CCDC61: variants seen among roughly 807,000 people sequenced by gnomAD.
CCDC61 encodes the protein coiled-coil domain containing 61, also known as centrosomal protein CCDC61.
A neutral mutation model predicts 63.0 loss-of-function variants in CCDC61; 55 were observed. The ratio of observed to expected loss-of-function variants is 0.87; its 90% CI spans 0.70 to 1.09. CCDC61 has a LOEUF of 1.09. CCDC61 is among the 50% of genes least tolerant of loss of function. The pLI is 0.00. For missense variants in CCDC61, 651 were observed against 731.4 expected, an observed-to-expected ratio of 0.89 and a Z score of 1.27; for synonymous variants, 270 against 317.0, an observed-to-expected ratio of 0.85 and a Z score of 1.58.
intron 3 of CCDC61, among the ~76,000 whole-genome samples, chr19:46,005,498 G>T (rs1968688973): frequency 6.6e-6 from 1 of 151,848 alleles, no homozygotes; most frequent in African/African-American, 2.4e-5. Context: ...ACTAAGTTGT[G>T]CAGATTTTCC....
rs765274527 is a variant in CCDC61 at position 46,006,660 on chromosome 19, G to C, written c.333G>C (p.Ser111=). 2.5e-6 allele frequency: 4 copies of C among 1,613,626 alleles called. No individual in the cohort carries two copies. The highest frequency in any genetic ancestry group is 3.4e-6 in the Non-Finnish European group (4 of 1,179,776). ...GGRPGSLAPR[S]AQLNSKRYLI... is the part of the protein sequence containing the mutation. The stretch of plus-strand genomic sequence containing the variant: ...GCCCAGGCTCCTTGGCCCCCAGGTC[G>C]GCCCAGCTCAACTCCAAGCGCTACC... The change falls in exon 4 of 14, where the codon TCG becomes TCC. Residue 111 remains serine (S), a synonymous_variant. Coordinates refer to ENST00000595358, the MANE Select transcript of CCDC61 (RefSeq NM_001267723.2).
At position 46,008,321 on chromosome 19, in the gene CCDC61, G is replaced by C; in HGVS notation, c.551+20G>C. 2 of 702,896 alleles carry C rather than the reference G, an allele frequency of 2.8e-6. No homozygotes were observed. Among genetic ancestry groups the C allele is most frequent in the Admixed American group, 2.0e-5 (1 of 49,614 alleles). The allele number at this position is 702,896 out of a possible 1,614,324, so 43.5% of individuals were successfully genotyped here. ...GGAGCAGTGAGTCTTGGAGGGGTGGGCAGCTGGGGCGGGTGGGGGCCCTCC... is the reference window on the plus strand; with the variant it reads ...GGAGCAGTGAGTCTTGGAGGGGTGGCCAGCTGGGGCGGGTGGGGGCCCTCC... On this transcript the variant is annotated intron_variant, in intron 5 of 13. Transcript: ENST00000595358.
At position 46,016,705 on chromosome 19, in the gene CCDC61, G is replaced by A. The variant is rs775361811; in HGVS notation, c.1103G>A (p.Arg368Gln). 1.9e-6 allele frequency: 3 copies of A among 1,611,870 alleles called. No homozygotes were observed. The highest frequency in any genetic ancestry group is 4.5e-5 in the East Asian group (2 of 44,840). ...QREIQMKQQQ[R>Q]NRLGSGGSGD... is the part of the protein sequence containing the mutation. ...TTCTTTTTTCCCAGGCAGCAGCAGCGGAACCGCTTAGGCAGTGGGGGAAGC... is the reference window on the plus strand; with the variant it reads ...TTCTTTTTTCCCAGGCAGCAGCAGCAGAACCGCTTAGGCAGTGGGGGAAGC... Residue 368 changes from arginine (R) to glutamine (Q), a missense_variant, in exon 10 of 14, where the codon CGG becomes CAG. Physicochemically the swap from Arg to Gln is conservative, Grantham distance 43 (BLOSUM62 1). Transcript: ENST00000595358. This position sits in a 1 kb window ranked among gnomAD's most constrained non-coding sequence, Gnocchi z 7.2.
At chr19:46,013,595 G>A (rs934279421) in intron 5 of CCDC61, among the ~76,000 whole-genome samples, 2 of 152,036 alleles carry the variant, frequency 1.3e-5, no homozygotes, top group Admixed American at 6.5e-5. Context: ...AGGGCCGGGT[G>A]CGGTGGCTCA....
intron 3 of CCDC61, among the ~76,000 whole-genome samples, chr19:46,005,387 C>T (rs998034520): frequency 2.6e-5 from 4 of 152,134 alleles, no homozygotes; most frequent in African/African-American, 9.7e-5. Context: ...TGTATTGTTA[C>T]ATTAAATTCC....
At chr19:46,008,718 C>G (rs928331205) in intron 5 of CCDC61, among the ~76,000 whole-genome samples, 4 of 152,164 alleles carry the variant, frequency 2.6e-5, no homozygotes, top group Non-Finnish European at 5.9e-5. Flanking sequence ...CTCTGAGCCC[C>G]TCTTCTGTAC....
In CCDC61 at chr19:45,998,301, C is replaced by T. The variant is rs547411527; in HGVS notation, c.-12+2797C>T. On this transcript the variant is annotated intron_variant, in intron 1 of 13. Coordinates refer to ENST00000595358, the MANE Select transcript of CCDC61 (RefSeq NM_001267723.2). ...TTGGAGGAAATGCAGATTTCTGGGC[C>T]CACCCCCAGAGTTTCTGCTTGTGTA... Among the ~76,000 whole-genome samples, 6 of 152,260 alleles carry T rather than the reference C, an allele frequency of 3.9e-5. No homozygotes were observed. In the East Asian group the frequency reaches 1.2e-3, roughly 29 times the overall value.
chr19:45,998,800 C>T (rs893000695), intron 1 of CCDC61, among the ~76,000 whole-genome samples: 6 of 152,116 alleles, frequency 3.9e-5, no homozygotes, highest in African/African-American at 1.2e-4. Context: ...CTCTTATTAT[C>T]CCGCTTTACT....
At position 46,016,864 on chromosome 19, in the gene CCDC61, C is replaced by T. The variant is rs1482234360; in HGVS notation, c.1231+31C>T. On this transcript the variant is annotated intron_variant, in intron 10 of 13. Transcript: ENST00000595358. This position sits in a 1 kb window ranked among gnomAD's most constrained non-coding sequence, Gnocchi z 7.2. ...TGGCCTGGAGCTGGGGGCTGCCGGG[C>T]TAGGCGGGACTGGGCGGGGCTGGGC... is the stretch of plus-strand genomic sequence containing the variant. 7.9e-7 allele frequency: 1 copy of T among 1,269,158 alleles called. No individual in the cohort carries two copies. Among genetic ancestry groups the T allele is most frequent in the Admixed American group, 2.6e-5 (1 of 39,094 alleles). 78.6% of individuals were successfully genotyped at this position (1,269,158 alleles called of 1,614,324 possible). A position where few individuals can be genotyped will look rare whatever the true frequency, so the allele number is the denominator to read the frequency against.
chr19:45,997,101 C>T (rs4803882), intron 1 of CCDC61, among the ~76,000 whole-genome samples: 72,092 of 151,740 alleles, frequency 0.48, 17,373 homozygotes, highest in Non-Finnish European at 0.49. Flanking sequence ...CTGGCCTCCC[C>T]GCTGTCATTT....
chr19:46,014,795 A>AGTGT (rs148097219), intron 5 of CCDC61, among the ~76,000 whole-genome samples: 1 of 151,346 alleles, frequency 6.6e-6, no homozygotes, highest in African/African-American at 2.4e-5. Context: ...CAGGGGGAGG[A>AGTGT]GTGTGTGTGT....
chr19:46,000,879 T>G, intron 1 of CCDC61, among the ~76,000 whole-genome samples: 1 of 142,788 alleles, frequency 7.0e-6, no homozygotes, highest in African/African-American at 2.6e-5. Flanking sequence ...GCGGGGTGGG[T>G]ATGGGGGGTT....
At chr19:46,006,337 A>G (rs550851326) in intron 3 of CCDC61, among the ~76,000 whole-genome samples, 3 of 152,382 alleles carry the variant, frequency 2.0e-5, no homozygotes, top group African/African-American at 7.2e-5. Context: ...TCACAGGTCT[A>G]AGCTGTTCTC....
chr19:46,008,335 T>TGGGGGCGGGGGGGGGGGGG, intron 5 of CCDC61, 34 bp downstream of exon 5: 1 of 499,170 alleles, frequency 2.0e-6, no homozygotes, highest in Non-Finnish European at 4.0e-6. Context: ...CTGGGGCGGG[T>TGGGGGCGGGGGGGGGGGGG]GGGGGCCCTC....
chr19:46,016,524 C>T lies in CCDC61; in HGVS notation c.1091+131C>T. On this transcript the variant is annotated intron_variant, in intron 9 of 13. Transcript: ENST00000595358. The surrounding 1 kb of genome is among the most constrained non-coding windows in gnomAD (Gnocchi z 7.2). The stretch of plus-strand genomic sequence containing the variant: ...CGCTTCTCGCCGGATACCCCGCCTG[C>T]TCTCCCTTCCGTCCGTCCTACCTCC... 7.3e-7 allele frequency: 1 copy of T among 1,368,948 alleles called. No homozygotes were observed. Among genetic ancestry groups the T allele is most frequent in the Middle Eastern group, 1.9e-4 (1 of 5,348 alleles). The allele number at this position is 1,368,948 out of a possible 1,614,324, so 84.8% of individuals were successfully genotyped here.
chr19:46,006,645 C>T lies in CCDC61; in HGVS notation c.318C>T (p.Ser106=). 2 of 1,613,862 alleles carry T rather than the reference C, an allele frequency of 1.2e-6. No individual in the cohort carries two copies. The highest frequency in any genetic ancestry group is 1.1e-5 in the South Asian group (1 of 91,056). ...GCAAGATGGGGGGCCGCCCAGGCTC[C>T]TTGGCCCCCAGGTCGGCCCAGCTCA... ...RNRKMGGRPG[S]LAPRSAQLNS... The change falls in exon 4 of 14, where the codon TCC becomes TCT. Residue 106 remains serine (S), a synonymous_variant. Transcript: ENST00000595358.
At chr19:46,011,993 G>A (rs959321759) in intron 5 of CCDC61, among the ~76,000 whole-genome samples, 1 of 152,192 alleles carries the variant, frequency 6.6e-6, no homozygotes, top group South Asian at 2.1e-4. Flanking sequence ...AGTAGAGACG[G>A]GGTTTCACCG....
At chr19:46,011,954 C>T (rs1000233963) in intron 5 of CCDC61, among the ~76,000 whole-genome samples, 2 of 152,170 alleles carry the variant, frequency 1.3e-5, no homozygotes, top group African/African-American at 4.8e-5. Flanking sequence ...AGGTGTGTGC[C>T]ACCACACCCG....
At chr19:46,007,052 GC>G (rs1383831227) in intron 4 of CCDC61, among the ~76,000 whole-genome samples, 12 of 120,920 alleles carry the variant, frequency 9.9e-5, no homozygotes, top group Non-Finnish European at 1.1e-4. Context: ...TAATGTGTTG[GC>G]TTTTTTTTTT....
Sources: gnomAD v4.1 joint callset for allele counts (sites outside exome capture counted in the v4.1 genomes callset) on GRCh38, gnomAD v4.1.1 for gene constraint, Gnocchi (gnomAD v3.1) non-coding constraint, MANE v1.5 for transcripts, NCBI Gene and HGNC (gene_info 2026-07-23, HGNC 2026-07-21) for gene names.